Variants in ITCH observed in about 807,000 individuals in gnomAD.
The protein encoded by ITCH is E3 ubiquitin-protein ligase Itchy homolog.
A neutral mutation model predicts 126.8 loss-of-function variants in ITCH; 28 were observed. The ratio of observed to expected loss-of-function variants is 0.22; its 90% CI spans 0.16 to 0.30. The LOEUF is 0.30. Ranked by LOEUF, ITCH falls within the 10% of genes least tolerant of loss-of-function variation. ITCH has a pLI of 1.00. For missense variants in ITCH, 631 were observed against 1,032.4 expected (o/e 0.61, Z 5.33); for synonymous variants, 342 against 340.0 (o/e 1.01, Z -0.06).
At chr20:34,401,661 G>A (rs2038888813) in intron 3 of ITCH, 1 of 979,138 alleles carries the variant, frequency 1.0e-6, no homozygotes, top group Non-Finnish European at 1.2e-6. Flanking sequence ...GAAGTAGACT[G>A]TGGAATCAAT....
At chr20:34,436,413 C>A (rs1983011361) in intron 7 of ITCH, among the ~76,000 whole-genome samples, 1 of 152,198 alleles carries the variant, frequency 6.6e-6, no homozygotes, top group African/African-American at 2.4e-5. Flanking sequence ...ACTCTTCTTT[C>A]AAACTAGTTA....
rs2146375197 is a variant in ITCH, at chr20:34,462,084, G to T, written c.1296-9G>T. On this transcript the variant is annotated splice_polypyrimidine_tract_variant and intron_variant, in intron 13 of 24. Coordinates refer to ENST00000374864, the MANE Select transcript of ITCH (RefSeq NM_031483.7). Reference sequence around the variant, plus strand: ...TATTTTTGTTTATGTTTTTTCCTGTGTTTCGTAGTCAATTAAATGAAAAGC... The same window carrying T: ...TATTTTTGTTTATGTTTTTTCCTGTTTTTCGTAGTCAATTAAATGAAAAGC... The T allele has an allele frequency of 1.9e-6, 3 of 1,613,250 alleles. No individual in the cohort carries two copies. In the Middle Eastern group the frequency reaches 5.0e-4, roughly 266 times the overall value.
intron 17 of ITCH, 144 bp downstream of exon 17, chr20:34,478,004 A>T: frequency 9.4e-7 from 1 of 1,069,054 alleles, no homozygotes; most frequent in South Asian, 1.6e-5. Flanking sequence ...TGCTGTAGCT[A>T]CAGAATTTCA....
chr20:34,406,960 A>T (rs965571977), intron 3 of ITCH, among the ~76,000 whole-genome samples: 2 of 152,092 alleles, frequency 1.3e-5, no homozygotes, highest in African/African-American at 4.8e-5. Flanking sequence ...GGTGGAGTAG[A>T]TAACCTGGGT....
intron 2 of ITCH, among the ~76,000 whole-genome samples, chr20:34,391,994 T>A (rs1486312171): frequency 6.6e-6 from 1 of 152,160 alleles, no homozygotes; most frequent in Non-Finnish European, 1.5e-5. Flanking sequence ...TGGAGATGAG[T>A]ACCTTTATCA....
chr20:34,419,054 C>T (rs576884950), intron 6 of ITCH, among the ~76,000 whole-genome samples: 16 of 152,204 alleles, frequency 1.1e-4, no homozygotes, highest in East Asian at 9.6e-4. Flanking sequence ...TGAGCCACCG[C>T]GCCCAGCTGT....
chr20:34,451,821 G>A (rs1475171542), intron 12 of ITCH, among the ~76,000 whole-genome samples: 1 of 152,034 alleles, frequency 6.6e-6, no homozygotes, highest in African/African-American at 2.4e-5. Context: ...TCATCTCAGC[G>A]CTTTGGGAGG....
At chr20:34,400,843 C>T (rs191749989) in intron 3 of ITCH, among the ~76,000 whole-genome samples, 12 of 151,784 alleles carry the variant, frequency 7.9e-5, no homozygotes, top group East Asian at 3.9e-4. Context: ...CTGCAACCTC[C>T]GCCTCCCAGG....
intron 6 of ITCH, chr20:34,417,160 G>A (rs938267907): frequency 3.1e-5 from 21 of 677,804 alleles, no homozygotes; most frequent in Middle Eastern, 3.8e-4. Context: ...GCAATAGTGC[G>A]ATCTCGGCTC....
At chr20:34,440,384 T>G (rs1024001718) in intron 9 of ITCH, 40 bp downstream of exon 9, 2 of 1,417,864 alleles carry the variant, frequency 1.4e-6, no homozygotes, top group African/African-American at 1.4e-5. Context: ...GTCTTTAGGA[T>G]TCTTCATAAG....
At chr20:34,390,554 A>G (rs998170594) in intron 2 of ITCH, among the ~76,000 whole-genome samples, 2 of 143,060 alleles carry the variant, frequency 1.4e-5, no homozygotes, top group African/African-American at 5.2e-5. Context: ...AGGTTCAACG[A>G]TCCTCCCGCC....
intron 2 of ITCH, 122 bp downstream of exon 2, chr20:34,369,592 A>G: frequency 5.1e-6 from 2 of 392,808 alleles, no homozygotes; most frequent in Non-Finnish European, 9.0e-6. Flanking sequence ...GGTTGAACAT[A>G]TAGGCAGCTT....
At chr20:34,453,137 A>C (rs76875283) in intron 12 of ITCH, among the ~76,000 whole-genome samples, 2 of 152,248 alleles carry the variant, frequency 1.3e-5, no homozygotes, top group African/African-American at 4.8e-5. Flanking sequence ...AATCCGTTCT[A>C]CAGCCACAGC....
At position 34,427,440 on chromosome 20, in the gene ITCH, A is replaced by G. The variant is rs146142909; in HGVS notation, c.521+2915A>G. Reference sequence around the variant, plus strand: ...ATCTCTACAGAAAACAAAACAAAACAGAAAAATTAAAATTAAAAAACGGTA... The same window carrying G: ...ATCTCTACAGAAAACAAAACAAAACGGAAAAATTAAAATTAAAAAACGGTA... On this transcript the variant is annotated intron_variant, in intron 7 of 24. Coordinates refer to ENST00000374864, the MANE Select transcript of ITCH (RefSeq NM_031483.7). Among the ~76,000 whole-genome samples the G allele has an allele frequency of 2.2e-4, 33 of 152,202 alleles. No individual in the cohort carries two copies. In the East Asian group the frequency reaches 5.6e-3, roughly 26 times the overall value.
intron 11 of ITCH, 136 bp from the exon 12 acceptor site, chr20:34,449,275 A>T (rs1984871882): frequency 6.6e-6 from 4 of 608,514 alleles, no homozygotes; most frequent in Admixed American, 2.8e-5. Flanking sequence ...ATTTATCCAT[A>T]ACCATGTGAC....
At position 34,412,526 on chromosome 20, in the gene ITCH, C is replaced by A; in HGVS notation, c.224C>A (p.Pro75His). The change falls in exon 5 of 25, where the codon CCT (proline) becomes CAT (histidine). Residue 75 changes from proline (P) to histidine (H), a missense_variant. Physicochemically the swap from Pro to His is moderately conservative, Grantham distance 77 (BLOSUM62 -2). This residue lies in a region of ITCH where 220 missense variants were observed against 265.7 expected (regional missense o/e 0.83). Transcript: ENST00000374864. ...WKQPLTVIVT[P>H]VSKLHFRVWS... is the part of the protein sequence containing the mutation. The stretch of plus-strand genomic sequence containing the variant: ...TTTTTCACTTTTAGTATCGTTACCC[C>A]TGTGAGTAAATTACATTTTCGTGTG... The A allele has an allele frequency of 6.3e-7, 1 of 1,597,112 alleles. No homozygotes were observed. The highest frequency in any genetic ancestry group is 8.6e-7 in the Non-Finnish European group (1 of 1,164,784).
At chr20:34,506,991 T>C (rs1990656449) in intron 24 of ITCH, among the ~76,000 whole-genome samples, 1 of 152,236 alleles carries the variant, frequency 6.6e-6, no homozygotes, top group Admixed American at 6.5e-5. Flanking sequence ...CTTAGATTAT[T>C]TCCACCTTTT....
At chr20:34,480,066 T>C (rs747363771) in intron 18 of ITCH, among the ~76,000 whole-genome samples, 1 of 149,964 alleles carries the variant, frequency 6.7e-6, no homozygotes, top group Non-Finnish European at 1.5e-5. Context: ...GCCTGGCTAA[T>C]TTTTGTATTT....
Position 34,507,799 on chromosome 20 carries a change from T to A in ITCH, c.*5T>A, listed in dbSNP as rs368637997. On this transcript the variant is annotated 3_prime_UTR_variant, in exon 25 of 25. Transcript: ENST00000374864. Reference sequence around the variant, plus strand: ...GAAGGATTTGGACAAGAGTAACTTCTGAGAACTTGCACCATGAATGGGCAA... The same window carrying A: ...GAAGGATTTGGACAAGAGTAACTTCAGAGAACTTGCACCATGAATGGGCAA... 4 of 1,606,854 alleles carry A rather than the reference T, an allele frequency of 2.5e-6. No individual in the cohort carries two copies. The African/African-American group carries it at 5.3e-5, about 21-fold the overall frequency.
Sources: gnomAD v4.1 joint callset for allele counts (sites outside exome capture counted in the v4.1 genomes callset) on GRCh38, gnomAD v4.1.1 for gene constraint, gnomAD v4.1.1 regional missense constraint, MANE v1.5 for transcripts, NCBI Gene and HGNC (gene_info 2026-07-23, HGNC 2026-07-21) for gene names.